Variants in EYA2 observed in about 807,000 individuals in gnomAD.
The protein encoded by EYA2 is EYA transcriptional coactivator and phosphatase 2.
In EYA2, 31 loss-of-function variants were observed where a neutral mutation model predicts 69.2. That is an observed-to-expected ratio of 0.45 (90% CI 0.34 to 0.60). EYA2 has a LOEUF of 0.60. EYA2 is among the 20% of genes least tolerant of loss of function. The probability of loss-of-function intolerance (pLI) is 0.02; values close to 1 mark genes in which losing one functional copy is unlikely to be tolerated. For missense variants in EYA2, 622 were observed against 701.2 expected, an observed-to-expected ratio of 0.89 and a Z score of 1.28; for synonymous variants, 257 against 279.4, an observed-to-expected ratio of 0.92 and a Z score of 0.80.
At chr20:46,937,256 A>C (rs765689679) in intron 1 of EYA2, among the ~76,000 whole-genome samples, 11 of 152,230 alleles carry the variant, frequency 7.2e-5, no homozygotes, top group Non-Finnish European at 1.3e-4. Flanking sequence ...ATCGTCATAC[A>C]TTTTTAATTT....
chr20:46,934,608 C>T (rs1985827478), intron 1 of EYA2, among the ~76,000 whole-genome samples: 1 of 152,092 alleles, frequency 6.6e-6, no homozygotes, highest in South Asian at 2.1e-4. Context: ...GAGGATGCTG[C>T]TAGGGAAGAG....
At chr20:46,927,651 A>G (rs896125588) in intron 1 of EYA2, among the ~76,000 whole-genome samples, 5 of 152,180 alleles carry the variant, frequency 3.3e-5, no homozygotes, top group Non-Finnish European at 2.9e-5. Flanking sequence ...AACAGTATGG[A>G]GGAAATCACC....
Position 47,074,099 on chromosome 20 carries a change from C to A in EYA2, c.484-59C>A, listed in dbSNP as rs547319639. On this transcript the variant is annotated intron_variant, in intron 6 of 15. Coordinates refer to ENST00000327619, the MANE Select transcript of EYA2 (RefSeq NM_005244.5). Reference sequence around the variant, plus strand: ...GAGACAGAGTGGCCAGGCTGACCAACGGCCCGAGCCCAGAAAGGCTTCCTC... The same window carrying A: ...GAGACAGAGTGGCCAGGCTGACCAAAGGCCCGAGCCCAGAAAGGCTTCCTC... 8.8e-6 allele frequency: 13 copies of A among 1,471,800 alleles called. No homozygotes were observed. In the African/African-American group the frequency reaches 1.4e-4, roughly 16 times the overall value. 91.2% of individuals were successfully genotyped at this position (1,471,800 alleles called of 1,614,324 possible). A position where few individuals can be genotyped will look rare whatever the true frequency, so the allele number is the denominator to read the frequency against.
intron 10 of EYA2, among the ~76,000 whole-genome samples, chr20:47,151,786 T>C (rs1001912905): frequency 7.2e-5 from 11 of 152,024 alleles, no homozygotes; most frequent in African/African-American, 2.7e-4. Context: ...TTGATGTGAA[T>C]TCTGTGTTCC....
intron 1 of EYA2, among the ~76,000 whole-genome samples, chr20:46,984,166 A>C (rs1178370247): frequency 6.6e-6 from 1 of 152,232 alleles, no homozygotes; most frequent in Non-Finnish European, 1.5e-5. Context: ...TGAATAGTTT[A>C]ACATGTAGAC....
At chr20:47,165,898 C>T (rs190578664) in intron 10 of EYA2, among the ~76,000 whole-genome samples, 2 of 152,184 alleles carry the variant, frequency 1.3e-5, no homozygotes, top group African/African-American at 4.8e-5. Context: ...ACAAGACTAC[C>T]TTACGTATCT....
intron 10 of EYA2, among the ~76,000 whole-genome samples, chr20:47,161,977 C>T (rs1056734893): frequency 2.0e-5 from 3 of 152,124 alleles, no homozygotes; most frequent in South Asian, 2.1e-4. Flanking sequence ...GTTCATGAGA[C>T]GAGAAGTCCA....
chr20:46,962,220 TC>T, intron 1 of EYA2, among the ~76,000 whole-genome samples: 1 of 152,092 alleles, frequency 6.6e-6, no homozygotes, highest in Non-Finnish European at 1.5e-5. Context: ...AGAGATGGGG[TC>T]TTGCTATGTT....
chr20:47,000,615 A>C (rs1982304372), intron 2 of EYA2, among the ~76,000 whole-genome samples: 1 of 152,232 alleles, frequency 6.6e-6, no homozygotes, highest in South Asian at 2.1e-4. Flanking sequence ...AGTACTTCCC[A>C]GTGAACTGTC....
At chr20:47,144,869 CAA>C (rs1383257394) in intron 10 of EYA2, among the ~76,000 whole-genome samples, 1 of 152,160 alleles carries the variant, frequency 6.6e-6, no homozygotes, top group Non-Finnish European at 1.5e-5. Context: ...TCGAAGGACA[CAA>C]GAGAGAAAAC....
intron 5 of EYA2, among the ~76,000 whole-genome samples, chr20:47,034,618 C>T (rs1023344926): frequency 6.6e-6 from 1 of 152,166 alleles, no homozygotes; most frequent in Non-Finnish European, 1.5e-5. Context: ...GAGGCCCTGT[C>T]CCCACCAAAG....
At chr20:47,124,980 C>T (rs924676853) in intron 9 of EYA2, among the ~76,000 whole-genome samples, 6 of 150,234 alleles carry the variant, frequency 4.0e-5, no homozygotes, top group Non-Finnish European at 5.9e-5. Flanking sequence ...ATGATTTCAT[C>T]ATTTGTCATG....
At chr20:46,986,282 ATC>A (rs1040778847) in intron 1 of EYA2, among the ~76,000 whole-genome samples, 6 of 139,980 alleles carry the variant, frequency 4.3e-5, no homozygotes, top group African/African-American at 1.5e-4. Flanking sequence ...TATATAATAT[ATC>A]TCTATATATC....
chr20:47,048,163 A>AC (rs1207621326), intron 5 of EYA2, among the ~76,000 whole-genome samples: 1 of 152,232 alleles, frequency 6.6e-6, no homozygotes, highest in Non-Finnish European at 1.5e-5. Context: ...TATTCCGCCT[A>AC]CCACAGATAC....
intron 9 of EYA2, among the ~76,000 whole-genome samples, chr20:47,111,145 A>G (rs1370786810): frequency 1.3e-5 from 2 of 152,240 alleles, no homozygotes; most frequent in South Asian, 4.1e-4. Flanking sequence ...GAAGTAGGTC[A>G]GAAGGTGCTG....
At chr20:46,917,876 C>T (rs1024418386) in intron 1 of EYA2, among the ~76,000 whole-genome samples, 1 of 152,158 alleles carries the variant, frequency 6.6e-6, no homozygotes, top group Non-Finnish European at 1.5e-5. Flanking sequence ...TTGCTGAAGG[C>T]TGGGGTGGCT....
At chr20:47,115,250 G>A (rs1390789798) in intron 9 of EYA2, among the ~76,000 whole-genome samples, 1 of 152,098 alleles carries the variant, frequency 6.6e-6, no homozygotes, top group Non-Finnish European at 1.5e-5. Flanking sequence ...CTTGCTGCCA[G>A]GGAAGCAGAC....
chr20:47,057,510 A>ACCCC (rs796462817), intron 5 of EYA2, among the ~76,000 whole-genome samples: 16 of 94,830 alleles, frequency 1.7e-4, no homozygotes, highest in African/African-American at 5.1e-4. Flanking sequence ...TTTTTATATC[A>ACCCC]CCCCCCCCCC....
Position 46,987,916 on chromosome 20 carries a change from G to GTCTCTC in EYA2, c.-10-2041_-10-2036dup, listed in dbSNP as rs1555809755. On this transcript the variant is annotated intron_variant, in intron 1 of 15. Coordinates refer to ENST00000327619, the MANE Select transcript of EYA2 (RefSeq NM_005244.5). ...TACTCCAGCCTGGAAGACAGAGTAA[G>GTCTCTC]TCTCTCTCTCTCTCTCTCTCTCTCT... Among the ~76,000 whole-genome samples the GTCTCTC allele has an allele frequency of 2.1e-3, 42 of 20,326 alleles. 2 individuals are homozygous for GTCTCTC. The highest frequency in any genetic ancestry group is 5.0e-3 in the African/African-American group (30 of 5,990). 13.3% of individuals were successfully genotyped at this position (20,326 alleles called of 152,430 possible). A position where few individuals can be genotyped will look rare whatever the true frequency, so the allele number is the denominator to read the frequency against.
Sources: allele counts gnomAD v4.1 joint callset (sites outside exome capture counted in the v4.1 genomes callset), GRCh38; gene constraint gnomAD v4.1.1; transcripts MANE v1.5; gene names NCBI Gene and HGNC (gene_info 2026-07-23, HGNC 2026-07-21).